ASAH1: variants seen among roughly 807,000 people sequenced by gnomAD.
ASAH1 encodes the protein N-acylsphingosine amidohydrolase 1.
ASAH1 carries 70 observed loss-of-function variants against 59.5 expected under a neutral mutation model. That is an observed-to-expected ratio of 1.18 (90% CI 0.97 to 1.43). The LOEUF is 1.43. Ranked by LOEUF, ASAH1 falls within the 40% of genes most tolerant of loss-of-function variation. ASAH1 has a pLI of 0.00. For synonymous variants in ASAH1, 213 were observed against 166.5 expected (o/e 1.28, Z -2.15); for missense variants, 660 against 482.5 (o/e 1.37, Z -3.45).
intron 3 of ASAH1, among the ~76,000 whole-genome samples, chr8:18,070,767 GAAAGGTATCAAAAGCAC>G (rs553029869): frequency 3.7e-4 from 57 of 152,336 alleles, no homozygotes; most frequent in Admixed American, 1.7e-3. Flanking sequence ...GTATAGGGCA[GAAAGGTATCAAAAGCAC>G]AATTTTAAAC....
At position 18,057,496 on chromosome 8, in the gene ASAH1, A is replaced by G. The variant is rs1396118378; in HGVS notation, c.*38T>C. On this transcript the variant is annotated 3_prime_UTR_variant, in exon 14 of 14. Coordinates refer to ENST00000637790, the MANE Select transcript of ASAH1 (RefSeq NM_177924.5). ...TCGGTCACATGGAGATGGTGTCTTC[A>G]TGTCTCAGAGGCCGCATTCTGTAGG... 6.7e-7 allele frequency: 1 copy of G among 1,499,490 alleles called. No homozygotes were observed. The highest frequency in any genetic ancestry group is 9.2e-7 in the Non-Finnish European group (1 of 1,085,086). The allele number at this position is 1,499,490 out of a possible 1,614,324, so 92.9% of individuals were successfully genotyped here.
chr8:18,057,570 G>C lies in ASAH1; in HGVS notation c.1152C>G (p.Tyr384Ter). ...TACAAGGGTCAGGGCAGTCCCGCAG[G>C]TAAGTTTCGAATTGACCTTTGGTAA... ...IDVTKGQFET[Y>*]LRDCPDPCIG... The change falls in exon 14 of 14, where the codon TAC becomes TAG. Residue 384 changes from tyrosine (Y) to a stop codon, truncating the protein, a stop_gained. Coordinates refer to ENST00000637790, the MANE Select transcript of ASAH1 (RefSeq NM_177924.5). LOFTEE classifies it high-confidence loss of function. The C allele has an allele frequency of 6.2e-7, 1 of 1,604,480 alleles. No homozygotes were observed. Among genetic ancestry groups the C allele is most frequent in the South Asian group, 1.1e-5 (1 of 90,986 alleles).
intron 1 of ASAH1, among the ~76,000 whole-genome samples, chr8:18,082,846 CA>C (rs972355556): frequency 6.6e-6 from 1 of 152,170 alleles, no homozygotes; most frequent in African/African-American, 2.4e-5. Flanking sequence ...AAGTCTCTCC[CA>C]ATTCCCATAA....
At chr8:18,084,282 G>C (rs1039258969), upstream of ASAH1, 19 of 1,438,536 alleles carry the variant, frequency 1.3e-5, no homozygotes, top group South Asian at 2.7e-4. Context: ...AGCCTTCCAG[G>C]CTACCTGCAG....
chr8:18,080,621 G>C (rs1235903050), intron 1 of ASAH1, among the ~76,000 whole-genome samples: 2 of 152,140 alleles, frequency 1.3e-5, no homozygotes, highest in African/African-American at 2.4e-5. Flanking sequence ...GCAATGGCAG[G>C]ATCTTGGCTC....
intron 2 of ASAH1, chr8:18,073,123 T>C: frequency 6.5e-6 from 6 of 917,852 alleles, no homozygotes; most frequent in Non-Finnish European, 9.9e-6. Flanking sequence ...GTTAATCTAA[T>C]AAACCAAATT....
intron 13 of ASAH1, chr8:18,057,914 A>G: frequency 5.8e-6 from 1 of 173,056 alleles, no homozygotes. Context: ...AGCTCCTTAT[A>G]GGAGCTTATT....
intron 2 of ASAH1, among the ~76,000 whole-genome samples, chr8:18,075,294 A>C (rs1800356165): frequency 6.6e-6 from 1 of 152,172 alleles, no homozygotes; most frequent in Non-Finnish European, 1.5e-5. Context: ...CGTCTGGCTG[A>C]AAATCCTTTT....
At position 18,057,437 on chromosome 8, in the gene ASAH1, T is replaced by A; in HGVS notation, c.*97A>T. On this transcript the variant is annotated 3_prime_UTR_variant, in exon 14 of 14. Coordinates refer to ENST00000637790, the MANE Select transcript of ASAH1 (RefSeq NM_177924.5). ...TGACTCAAAGAGAACCTGCCGCGAG[T>A]CTTAGTCTTTGGAAGGTCAGACAGC... is the stretch of plus-strand genomic sequence containing the variant. 1 of 918,144 alleles carries A rather than the reference T, an allele frequency of 1.1e-6. No homozygotes were observed. The highest frequency in any genetic ancestry group is 2.4e-4 in the Middle Eastern group (1 of 4,202). The allele number at this position is 918,144 out of a possible 1,614,324, so 56.9% of individuals were successfully genotyped here. A position where few individuals can be genotyped will look rare whatever the true frequency, so the allele number is the denominator to read the frequency against.
chr8:18,060,438 T>C (rs1403811422), intron 10 of ASAH1: 1 of 152,772 alleles, frequency 6.5e-6, no homozygotes, highest in East Asian at 1.9e-4. Flanking sequence ...CAAGAGATCA[T>C]CTTCCACCCT....
intron 1 of ASAH1, chr8:18,076,364 G>A (rs1292490245): frequency 6.6e-6 from 1 of 152,326 alleles, no homozygotes; most frequent in Non-Finnish European, 1.5e-5. Flanking sequence ...GTCAATACCA[G>A]ACTCTGCGCT....
intron 5 of ASAH1, chr8:18,065,348 T>A (rs1799885386): frequency 6.6e-6 from 1 of 152,160 alleles, no homozygotes; most frequent in Non-Finnish European, 1.5e-5. Flanking sequence ...AGCAAGTACA[T>A]ATTTCCAGTA....
chr8:18,058,650 GATCA>G (rs1799565349), intron 13 of ASAH1, 181 bp downstream of exon 13: 1 of 616,160 alleles, frequency 1.6e-6, no homozygotes, highest in Admixed American at 2.8e-5. Context: ...AAGCCTCAGT[GATCA>G]ATTTCTTTCT....
chr8:18,070,668 G>A (rs981119674), intron 3 of ASAH1, among the ~76,000 whole-genome samples: 2 of 152,270 alleles, frequency 1.3e-5, no homozygotes, highest in African/African-American at 2.4e-5. Flanking sequence ...GAAGGGAGAT[G>A]ACATAAAGGG....
At chr8:18,084,704 C>A (rs1218707432), upstream of ASAH1, 6 of 1,613,734 alleles carry the variant, frequency 3.7e-6, no homozygotes, top group Non-Finnish European at 4.2e-6. Flanking sequence ...GCTGCCAAAT[C>A]CCAGAATTGA....
chr8:18,059,842 C>A, intron 10 of ASAH1, 139 bp from the exon 11 acceptor site: 1 of 802,860 alleles, frequency 1.2e-6, no homozygotes, highest in East Asian at 2.8e-5. Flanking sequence ...ACACACGTGC[C>A]ATGGTGGTTT....
intron 5 of ASAH1, 113 bp downstream of exon 5, chr8:18,067,107 G>GTGCTGTATATCTAAGACATACAGCACCTT: frequency 1.2e-5 from 6 of 483,384 alleles, no homozygotes; most frequent in Non-Finnish European, 1.7e-5. Flanking sequence ...CTGTGCACCT[G>GTGCTGTATATCTAAGACATACAGCACCTT]TGCTGTATAT....
At position 18,080,769 on chromosome 8, in the gene ASAH1, G is replaced by A. The variant is rs976574293; in HGVS notation, c.78+3212C>T. Among the ~76,000 whole-genome samples, 67 of 152,144 alleles carry A rather than the reference G, an allele frequency of 4.4e-4. 1 individual carries two copies. The highest frequency in any genetic ancestry group is 1.9e-4 in the Non-Finnish European group (13 of 68,026). On this transcript the variant is annotated intron_variant, in intron 1 of 13. Coordinates refer to ENST00000637790, the MANE Select transcript of ASAH1 (RefSeq NM_177924.5). ...GACAGGGTTTCTCCATGTTGGCCAG[G>A]CTAGTCTCAAACTCCTGACCTCACG...
At chr8:18,081,179 C>T (rs868044734) in intron 1 of ASAH1, among the ~76,000 whole-genome samples, 4 of 152,150 alleles carry the variant, frequency 2.6e-5, no homozygotes, top group East Asian at 1.9e-4. Flanking sequence ...ATTCGCCCAG[C>T]GAAGCACTTC....
Sources: gnomAD v4.1 joint callset for allele counts (sites outside exome capture counted in the v4.1 genomes callset) on GRCh38, gnomAD v4.1.1 for gene constraint, MANE v1.5 for transcripts, NCBI Gene and HGNC (gene_info 2026-07-23, HGNC 2026-07-21) for gene names.